Variants in NEGR1 observed in about 807,000 individuals in gnomAD.
NEGR1 encodes the protein IgLON family member 4.
NEGR1 carries 10 observed loss-of-function variants against 40.9 expected under a neutral mutation model. That is an observed-to-expected ratio of 0.24 (90% CI 0.15 to 0.42). NEGR1 has a LOEUF of 0.42. NEGR1 is among the 10% of genes least tolerant of loss of function. NEGR1 has a pLI of 1.00. For synonymous variants in NEGR1, 185 were observed against 166.8 expected, an observed-to-expected ratio of 1.11 and a Z score of -0.84; for missense variants, 352 against 438.9, an observed-to-expected ratio of 0.80 and a Z score of 1.77.
At chr1:72,082,174 G>C (rs1479280042) in intron 1 of NEGR1, among the ~76,000 whole-genome samples, 1 of 152,092 alleles carries the variant, frequency 6.6e-6, no homozygotes, top group Non-Finnish European at 1.5e-5. Flanking sequence ...TCCAGGTTAA[G>C]AGTTTATTTG....
At chr1:72,185,074 A>T (rs1411800220) in intron 1 of NEGR1, among the ~76,000 whole-genome samples, 3 of 151,938 alleles carry the variant, frequency 2.0e-5, no homozygotes, top group Admixed American at 6.6e-5. Flanking sequence ...AGAGACAATG[A>T]GCATAAAGCA....
intron 6 of NEGR1, among the ~76,000 whole-genome samples, chr1:71,449,526 ATT>A (rs1465447964): frequency 1.3e-5 from 2 of 152,234 alleles, no homozygotes; most frequent in African/African-American, 4.8e-5. Flanking sequence ...TCTGTGAACA[ATT>A]ACATAATGGC....
intron 1 of NEGR1, among the ~76,000 whole-genome samples, chr1:72,098,288 A>G (rs1389365348): frequency 1.3e-5 from 2 of 152,150 alleles, no homozygotes; most frequent in Admixed American, 1.3e-4. Context: ...ATGACTGGAA[A>G]AAAAAATTTA....
At chr1:71,440,471 T>C (rs1646539703) in intron 6 of NEGR1, among the ~76,000 whole-genome samples, 1 of 152,254 alleles carries the variant, frequency 6.6e-6, no homozygotes, top group African/African-American at 2.4e-5. Flanking sequence ...GCCTGTGATA[T>C]ATAAACAAAA....
intron 6 of NEGR1, among the ~76,000 whole-genome samples, chr1:71,575,344 G>A (rs901156168): frequency 2.6e-5 from 4 of 152,182 alleles, no homozygotes; most frequent in Non-Finnish European, 5.9e-5. Context: ...AAATTTGAGG[G>A]CACAGACAAG....
At chr1:71,560,502 C>T (rs1648419922) in intron 6 of NEGR1, among the ~76,000 whole-genome samples, 1 of 144,106 alleles carries the variant, frequency 6.9e-6, no homozygotes, top group Non-Finnish European at 1.5e-5. Context: ...AAGAAAACTG[C>T]TATCAGATTG....
chr1:71,474,921 G>T (rs917424253), intron 6 of NEGR1, among the ~76,000 whole-genome samples: 3 of 151,818 alleles, frequency 2.0e-5, no homozygotes, highest in Admixed American at 6.6e-5. Flanking sequence ...CATTAACAGA[G>T]AAAATATTTG....
At chr1:72,049,029 T>C in intron 1 of NEGR1, among the ~76,000 whole-genome samples, 1 of 151,508 alleles carries the variant, frequency 6.6e-6, no homozygotes, top group East Asian at 1.9e-4. Context: ...GGTGTCCACT[T>C]TAGAGTGGCT....
At position 71,963,348 on chromosome 1, in the gene NEGR1, T is replaced by C. The variant is rs568787461; in HGVS notation, c.177-28037A>G. 2.0e-5 allele frequency among the ~76,000 whole-genome samples: 3 copies of C among 152,314 alleles called. No individual in the cohort carries two copies. In the East Asian group the frequency reaches 5.8e-4, roughly 29 times the overall value. ...CCTCTAAGTGGTCATCAGCAGTTAT[T>C]CTATGTTATAGAGATAATACAGAGA... On this transcript the variant is annotated intron_variant, in intron 1 of 6. Coordinates refer to ENST00000357731, the MANE Select transcript of NEGR1 (RefSeq NM_173808.3).
chr1:71,749,306 A>C, intron 3 of NEGR1, among the ~76,000 whole-genome samples: 2 of 152,294 alleles, frequency 1.3e-5, no homozygotes, highest in Middle Eastern at 6.8e-3. Context: ...AAAAATACTC[A>C]AAATTTATAT....
intron 2 of NEGR1, among the ~76,000 whole-genome samples, chr1:71,777,393 T>C (rs1557648569): frequency 1.3e-5 from 2 of 152,120 alleles, no homozygotes; most frequent in Non-Finnish European, 2.9e-5. Flanking sequence ...AACACATATA[T>C]GGTGTTTGAA....
intron 6 of NEGR1, among the ~76,000 whole-genome samples, chr1:71,420,476 C>G (rs559291682): frequency 5.9e-4 from 89 of 151,634 alleles, no homozygotes; most frequent in Middle Eastern, 3.4e-3. Context: ...GCTTTTAGGA[C>G]TATGTAGTCA....
chr1:71,610,441 TG>T (rs1423626764), intron 5 of NEGR1, among the ~76,000 whole-genome samples: 4 of 152,212 alleles, frequency 2.6e-5, no homozygotes, highest in Admixed American at 6.5e-5. Context: ...CCAAGGTTTT[TG>T]GGTCTTCTCA....
At chr1:71,799,603 C>G (rs1002024795) in intron 2 of NEGR1, among the ~76,000 whole-genome samples, 8 of 152,146 alleles carry the variant, frequency 5.3e-5, no homozygotes, top group Non-Finnish European at 8.8e-5. Flanking sequence ...GGTTCTAGAT[C>G]CTTGAGAAAT....
intron 1 of NEGR1, among the ~76,000 whole-genome samples, chr1:72,110,988 C>A (rs1459507421): frequency 6.6e-6 from 1 of 151,234 alleles, no homozygotes; most frequent in Non-Finnish European, 1.5e-5. Context: ...CTACTTCATG[C>A]ATTACTTGGT....
chr1:71,942,784 G>A (rs1206342173), intron 1 of NEGR1, among the ~76,000 whole-genome samples: 1 of 148,282 alleles, frequency 6.7e-6, no homozygotes, highest in Non-Finnish European at 1.5e-5. Context: ...TTACAGGCGT[G>A]AGCCACCGCG....
chr1:71,548,661 C>T (rs1302802535), intron 6 of NEGR1, among the ~76,000 whole-genome samples: 2 of 151,524 alleles, frequency 1.3e-5, no homozygotes, highest in African/African-American at 2.4e-5. Flanking sequence ...TAAAACATGC[C>T]GAGGCTGTGG....
chr1:71,955,396 T>G (rs1166018833), intron 1 of NEGR1, among the ~76,000 whole-genome samples: 1 of 152,106 alleles, frequency 6.6e-6, no homozygotes, highest in East Asian at 1.9e-4. Context: ...CCTTTCCTAC[T>G]TTACACATAT....
At chr1:71,851,251 C>A (rs887924102) in intron 2 of NEGR1, among the ~76,000 whole-genome samples, 13 of 152,114 alleles carry the variant, frequency 8.5e-5, no homozygotes, top group African/African-American at 3.1e-4. Context: ...CACAAATGAT[C>A]CCTGGTTTAT....
Sources: allele counts gnomAD v4.1 joint callset (sites outside exome capture counted in the v4.1 genomes callset), GRCh38; gene constraint gnomAD v4.1.1; transcripts MANE v1.5; gene names NCBI Gene and HGNC (gene_info 2026-07-23, HGNC 2026-07-21).